Variants in CHRM3 observed in about 807,000 individuals in gnomAD.
The protein encoded by CHRM3 is muscarinic acetylcholine receptor M3.
In CHRM3, 11 loss-of-function variants were observed where a neutral mutation model predicts 41.8. The ratio of observed to expected loss-of-function variants is 0.26; its 90% CI spans 0.17 to 0.44. The LOEUF (loss-of-function observed/expected upper bound fraction) is 0.44, where lower values mean the gene tolerates loss of function less well. CHRM3 is among the 20% of genes least tolerant of loss of function. The pLI is 1.00. For missense variants in CHRM3, 571 were observed against 745.4 expected, an observed-to-expected ratio of 0.77 and a Z score of 2.72; for synonymous variants, 297 against 301.4, an observed-to-expected ratio of 0.99 and a Z score of 0.15.
chr1:239,475,427 G>C (rs1261705767), intron 1 of CHRM3, among the ~76,000 whole-genome samples: 1 of 152,014 alleles, frequency 6.6e-6, no homozygotes, highest in Non-Finnish European at 1.5e-5. Context: ...AAAAACTTCA[G>C]ACAAATTCCA....
At chr1:239,663,258 GCT>G (rs1673445737) in intron 4 of CHRM3, among the ~76,000 whole-genome samples, 1 of 152,036 alleles carries the variant, frequency 6.6e-6, no homozygotes, top group African/African-American at 2.4e-5. Flanking sequence ...CAGAGCTTTA[GCT>G]TTTACCTCAG....
chr1:239,730,876 A>G (rs2148419210), intron 5 of CHRM3, among the ~76,000 whole-genome samples: 1 of 152,100 alleles, frequency 6.6e-6, no homozygotes, highest in Middle Eastern at 3.4e-3. Context: ...CTCTACTGCA[A>G]TGATCTGAGA....
chr1:239,516,448 T>A (rs967014269), intron 2 of CHRM3, among the ~76,000 whole-genome samples: 1 of 152,218 alleles, frequency 6.6e-6, no homozygotes, highest in Non-Finnish European at 1.5e-5. Context: ...TAAATATTAA[T>A]GACATTTCAT....
At chr1:239,468,786 C>A (rs750046795) in intron 1 of CHRM3, among the ~76,000 whole-genome samples, 2 of 152,166 alleles carry the variant, frequency 1.3e-5, no homozygotes, top group African/African-American at 2.4e-5. Flanking sequence ...AAGCATTCAG[C>A]GTGACCCTGA....
intron 1 of CHRM3, among the ~76,000 whole-genome samples, chr1:239,411,803 C>A (rs1661095320): frequency 7.2e-6 from 1 of 139,294 alleles, no homozygotes; most frequent in Non-Finnish European, 1.5e-5. Context: ...AATTTTATGT[C>A]ATTTGGAAAG....
At chr1:239,574,452 G>A (rs934202597) in intron 3 of CHRM3, among the ~76,000 whole-genome samples, 2 of 151,962 alleles carry the variant, frequency 1.3e-5, no homozygotes, top group Non-Finnish European at 2.9e-5. Context: ...CACTCTTCTC[G>A]GTTATGCACT....
chr1:239,772,809 G>A (rs1039920341), intron 5 of CHRM3, among the ~76,000 whole-genome samples: 14 of 152,108 alleles, frequency 9.2e-5, no homozygotes, highest in Admixed American at 4.6e-4. Context: ...CCTCACTGCC[G>A]CAGCCAGATA....
At chr1:239,881,282 C>CAAAAA (rs71567253) in intron 6 of CHRM3, among the ~76,000 whole-genome samples, 8,259 of 33,896 alleles carry the variant, frequency 0.24, 2,830 homozygotes, top group East Asian at 0.45. Context: ...GACTCCGTCT[C>CAAAAA]AAAAAAAAAA....
At chr1:239,446,945 A>T (rs1279920860) in intron 1 of CHRM3, among the ~76,000 whole-genome samples, 1 of 152,214 alleles carries the variant, frequency 6.6e-6, no homozygotes, top group Non-Finnish European at 1.5e-5. Flanking sequence ...TCCAAAAACT[A>T]TGTATTTAAA....
At chr1:239,580,289 CACACA>C (rs1232262734) in intron 3 of CHRM3, among the ~76,000 whole-genome samples, 2 of 146,374 alleles carry the variant, frequency 1.4e-5, no homozygotes, top group African/African-American at 5.0e-5. Flanking sequence ...CACACACACA[CACACA>C]CACACACACA....
intron 5 of CHRM3, among the ~76,000 whole-genome samples, chr1:239,685,748 G>A (rs1659074373): frequency 1.3e-5 from 2 of 152,144 alleles, no homozygotes; most frequent in Admixed American, 1.3e-4. Flanking sequence ...CTTAAACCCA[G>A]GAGGCGGAGG....
intron 3 of CHRM3, among the ~76,000 whole-genome samples, chr1:239,611,973 G>T (rs1410133619): frequency 6.6e-6 from 1 of 152,184 alleles, no homozygotes; most frequent in East Asian, 1.9e-4. Context: ...ATGAGTTTAT[G>T]TACATAGACT....
At chr1:239,767,154 A>C (rs190469937) in intron 5 of CHRM3, among the ~76,000 whole-genome samples, 172 of 152,302 alleles carry the variant, frequency 1.1e-3, no homozygotes, top group South Asian at 3.7e-3. Context: ...AAAAGTTCAG[A>C]AAATCTTTGT....
At chr1:239,872,506 A>G (rs1468417681) in intron 6 of CHRM3, among the ~76,000 whole-genome samples, 3 of 152,148 alleles carry the variant, frequency 2.0e-5, no homozygotes, top group Non-Finnish European at 4.4e-5. Flanking sequence ...ACCCGAAATC[A>G]GCACCACAGA....
chr1:239,551,702 A>T (rs1659850218), intron 3 of CHRM3, among the ~76,000 whole-genome samples: 1 of 152,172 alleles, frequency 6.6e-6, no homozygotes, highest in African/African-American at 2.4e-5. Flanking sequence ...TTAACACATG[A>T]CGCCCATCTT....
chr1:239,908,451 A>G lies in CHRM3; in HGVS notation c.1000A>G (p.Ser334Gly), dbSNP rs1189025294. The G allele has an allele frequency of 3.7e-6, 6 of 1,613,592 alleles. No individual in the cohort carries two copies. The highest frequency in any genetic ancestry group is 5.1e-6 in the Non-Finnish European group (6 of 1,179,896). Residue 334 changes from serine (S) to glycine (G), a missense_variant, in exon 7 of 7, where the codon AGT becomes GGT. This residue lies in a region of CHRM3 where 239 missense variants were observed against 239.6 expected (regional missense o/e 1.00). Coordinates refer to ENST00000676153, the MANE Select transcript of CHRM3 (RefSeq NM_001375978.1). The surrounding 1 kb of genome is among the most constrained non-coding windows in gnomAD (Gnocchi z 7.2). ...GCAGATGGACCAAGACCACAGCAGC[A>G]GTGACAGTTGGAACAACAATGATGC... ...SEQMDQDHSS[S>G]DSWNNNDAAA...
chr1:239,545,302 T>C (rs1244840239), intron 2 of CHRM3, among the ~76,000 whole-genome samples: 2 of 152,132 alleles, frequency 1.3e-5, no homozygotes, highest in African/African-American at 4.8e-5. Context: ...ATCCGAGTGA[T>C]AATAATGGAC....
chr1:239,672,525 A>G (rs1455886635), intron 4 of CHRM3, among the ~76,000 whole-genome samples: 3 of 152,042 alleles, frequency 2.0e-5, no homozygotes, highest in Non-Finnish European at 4.4e-5. Flanking sequence ...ATCAGAGAAG[A>G]TAATCAAATT....
chr1:239,658,641 ATTATCAAAGATT>A (rs1361429422), intron 4 of CHRM3, among the ~76,000 whole-genome samples: 2 of 152,218 alleles, frequency 1.3e-5, no homozygotes, highest in Non-Finnish European at 2.9e-5. Context: ...GACTATGCAC[ATTATCAAAGATT>A]TTTAGCACCT....
Sources: gnomAD v4.1 joint callset for allele counts (sites outside exome capture counted in the v4.1 genomes callset) on GRCh38, gnomAD v4.1.1 for gene constraint, gnomAD v4.1.1 regional missense constraint, Gnocchi (gnomAD v3.1) non-coding constraint, MANE v1.5 for transcripts, NCBI Gene and HGNC (gene_info 2026-07-23, HGNC 2026-07-21) for gene names.